The following DEFB126 variants were observed in gnomAD, a reference collection of about 807,000 sequenced individuals.
DEFB126 encodes the protein beta-defensin 126.
DEFB126 carries 2 observed loss-of-function variants against 2.5 expected under a neutral mutation model. The observed-to-expected ratio is 0.79, with a 90% CI of 0.32 to 2.49. DEFB126 has a LOEUF of 2.49. Among genes scored for constraint, DEFB126 ranks in the 30% most tolerant of loss-of-function variants. The pLI is 0.11. For synonymous variants in DEFB126, 51 were observed against 45.4 expected, an observed-to-expected ratio of 1.12 and a Z score of -0.50; for missense variants, 136 against 135.4, an observed-to-expected ratio of 1.00 and a Z score of -0.02.
intron 1 of DEFB126, among the ~76,000 whole-genome samples, chr20:144,732 A>G (rs939276809): frequency 6.6e-6 from 1 of 152,144 alleles, no homozygotes; most frequent in Admixed American, 6.6e-5. Flanking sequence ...TGTCTCCCTA[A>G]TGAATATATT....
rs1356805486 is a variant in DEFB126 at position 145,556 on chromosome 20, A to G, written c.200A>G (p.Asn67Ser). The G allele has an allele frequency of 3.7e-6, 6 of 1,613,962 alleles. No homozygotes were observed. Among genetic ancestry groups the G allele is most frequent in the Non-Finnish European group, 5.1e-6 (6 of 1,179,972 alleles). The change falls in exon 2 of 2, where the codon AAT becomes AGT. Residue 67 changes from asparagine to serine, a missense_variant. By Grantham distance (46) the Asn-to-Ser change is conservative. Coordinates refer to ENST00000382398, the MANE Select transcript of DEFB126 (RefSeq NM_030931.4). ...DCCVPADRRANYPVFCVQTKT... is the reference protein window; with the variant it reads ...DCCVPADRRASYPVFCVQTKT... ...TGTGTTCCAGCTGACAGACGTGCTA[A>G]TTATCCTGTTTTCTGTGTCCAGACA... is the stretch of plus-strand genomic sequence containing the variant.
rs772179967 is a variant in DEFB126, at chr20:142,732, T to C, written c.58+46T>C. ...GAAGAAACACTGGCCTGGAACAGGG[T>C]CCTGCACATGGAGTCCCTGTTTCTA... On this transcript the variant is annotated intron_variant, in intron 1 of 1. Coordinates refer to ENST00000382398, the MANE Select transcript of DEFB126 (RefSeq NM_030931.4). 6 of 1,591,426 alleles carry C rather than the reference T, an allele frequency of 3.8e-6. No individual in the cohort carries two copies. In the Admixed American group the frequency reaches 6.7e-5, roughly 18 times the overall value.
At chr20:143,865 T>G (rs1041133066) in intron 1 of DEFB126, among the ~76,000 whole-genome samples, 17 of 152,170 alleles carry the variant, frequency 1.1e-4, no homozygotes, top group Non-Finnish European at 1.8e-4. Flanking sequence ...ATTCTTCCAC[T>G]AACTTAGTAA....
At chr20:145,352 C>G in intron 1 of DEFB126, 63 bp from the exon 2 acceptor site, 1 of 1,487,040 alleles carries the variant, frequency 6.7e-7, no homozygotes, top group Non-Finnish European at 9.1e-7. Flanking sequence ...AAAACTATTG[C>G]TATTTTTTAT....
intron 1 of DEFB126, 25 bp from the exon 2 acceptor site, chr20:145,390 T>C (rs751216582): frequency 1.3e-5 from 21 of 1,602,632 alleles, no homozygotes; most frequent in Non-Finnish European, 1.7e-5. Flanking sequence ...TTAGGCTTAA[T>C]AATCTATATA....
chr20:144,564 G>A, intron 1 of DEFB126, among the ~76,000 whole-genome samples: 1 of 152,050 alleles, frequency 6.6e-6, no homozygotes, highest in East Asian at 1.9e-4. Context: ...TGACATGGTA[G>A]GCACTCATCA....
At chr20:143,099 ATTTT>A (rs1407555814) in intron 1 of DEFB126, among the ~76,000 whole-genome samples, 1 of 151,714 alleles carries the variant, frequency 6.6e-6, no homozygotes, top group East Asian at 1.9e-4. Flanking sequence ...GAGGTCTCTG[ATTTT>A]TTGTTTGTTT....
At chr20:143,063 T>A (rs1378641602) in intron 1 of DEFB126, among the ~76,000 whole-genome samples, 4 of 152,086 alleles carry the variant, frequency 2.6e-5, no homozygotes, top group African/African-American at 9.7e-5. Context: ...TAATATTACT[T>A]CCCCCAGTTT....
chr20:142,775 G>A (rs2054653374), intron 1 of DEFB126, 89 bp downstream of exon 1: 1 of 1,394,114 alleles, frequency 7.2e-7, no homozygotes, highest in African/African-American at 1.4e-5. Flanking sequence ...TGTGGAAATG[G>A]GGTCTGGCTT....
In DEFB126 at chr20:145,487, A is replaced by G; in HGVS notation, c.131A>G (p.His44Arg). ...AAGAAGTGCAAACCTGAAGAGATGC[A>G]TGTAAAGAATGGTTGGGCAATGTGC... ...CKKKCKPEEM[H>R]VKNGWAMCGK... The change falls in exon 2 of 2, where the codon CAT becomes CGT. Residue 44 changes from histidine (H) to arginine (R), a missense_variant. Transcript: ENST00000382398. 1 of 1,613,236 alleles carries G rather than the reference A, an allele frequency of 6.2e-7. No homozygotes were observed.
At chr20:143,878 CCTT>C (rs751207504) in intron 1 of DEFB126, among the ~76,000 whole-genome samples, 1 of 152,232 alleles carries the variant, frequency 6.6e-6, no homozygotes, top group East Asian at 1.9e-4. Flanking sequence ...CTTAGTAAGT[CCTT>C]CTCCGTGTTG....
rs1268625231 is a variant in DEFB126 at position 142,600 on chromosome 20, C to T, written c.-29C>T. The T allele has an allele frequency of 5.6e-6, 9 of 1,611,418 alleles. No individual in the cohort carries two copies. The highest frequency in any genetic ancestry group is 6.8e-6 in the Non-Finnish European group (8 of 1,177,574). On this transcript the variant is annotated 5_prime_UTR_variant, in exon 1 of 2. Coordinates refer to ENST00000382398, the MANE Select transcript of DEFB126 (RefSeq NM_030931.4). ...TCAGAGTCATACTGAATAGAGACTT[C>T]TGGACTCTATAGAACCCACTGCCTC...
chr20:143,158 A>G (rs887927185), intron 1 of DEFB126, among the ~76,000 whole-genome samples: 43 of 152,162 alleles, frequency 2.8e-4, no homozygotes, highest in African/African-American at 1.0e-3. Flanking sequence ...GGCTGTTTCT[A>G]TATATGTATA....
chr20:144,136 A>G (rs1446887621), intron 1 of DEFB126, among the ~76,000 whole-genome samples: 1 of 152,116 alleles, frequency 6.6e-6, no homozygotes, highest in South Asian at 2.1e-4. Flanking sequence ...TTTCAGGCCT[A>G]TTGCATCCTT....
chr20:144,104 C>G (rs1212681950), intron 1 of DEFB126, among the ~76,000 whole-genome samples: 1 of 152,018 alleles, frequency 6.6e-6, no homozygotes, highest in African/African-American at 2.4e-5. Flanking sequence ...TTATAATGCT[C>G]TCATGGTTGT....
At chr20:142,830 C>A in intron 1 of DEFB126, 144 bp downstream of exon 1, 1 of 846,146 alleles carries the variant, frequency 1.2e-6, no homozygotes, top group Non-Finnish European at 1.9e-6. Flanking sequence ...CTTCAGACCA[C>A]CTCTGTTCTA....
intron 1 of DEFB126, among the ~76,000 whole-genome samples, chr20:143,228 T>C (rs1489163828): frequency 6.6e-6 from 1 of 152,144 alleles, no homozygotes; most frequent in African/African-American, 2.4e-5. Context: ...GAAGTCTATA[T>C]CAGATTTCAG....
In DEFB126 at chr20:145,701, G is replaced by T; in HGVS notation, c.*9G>T. On this transcript the variant is annotated 3_prime_UTR_variant, in exon 2 of 2. Coordinates refer to ENST00000382398, the MANE Select transcript of DEFB126 (RefSeq NM_030931.4). ...TTTCTCCCACTGGTTGAACATTCCA[G>T]CCTCTGTCTCCTGCTCTAGGATCCC... 6.2e-7 allele frequency: 1 copy of T among 1,606,710 alleles called. No homozygotes were observed. The highest frequency in any genetic ancestry group is 8.5e-7 in the Non-Finnish European group (1 of 1,178,126).
rs1255466069 is a variant in DEFB126 at position 145,497 on chromosome 20, T to C, written c.141T>C (p.Asn47=). The C allele has an allele frequency of 6.8e-6, 11 of 1,610,732 alleles. No homozygotes were observed. Among genetic ancestry groups the C allele is most frequent in the South Asian group, 1.1e-5 (1 of 90,928 alleles). Reference sequence around the variant, plus strand: ...AACCTGAAGAGATGCATGTAAAGAATGGTTGGGCAATGTGCGGCAAACAAA... The same window carrying C: ...AACCTGAAGAGATGCATGTAAAGAACGGTTGGGCAATGTGCGGCAAACAAA... ...KCKPEEMHVK[N]GWAMCGKQRD... The change falls in exon 2 of 2, where the codon AAT becomes AAC. Residue 47 remains asparagine, a synonymous_variant. Transcript: ENST00000382398.
Sources: allele counts gnomAD v4.1 joint callset (sites outside exome capture counted in the v4.1 genomes callset), GRCh38; gene constraint gnomAD v4.1.1; transcripts MANE v1.5; gene names NCBI Gene and HGNC (gene_info 2026-07-23, HGNC 2026-07-21).